The following RNF111 variants were observed in gnomAD, a reference collection of about 807,000 sequenced individuals.
RNF111 encodes ring finger protein 111.
A neutral mutation model predicts 95.1 loss-of-function variants in RNF111; 17 were observed. The ratio of observed to expected loss-of-function variants is 0.18; its 90% CI spans 0.12 to 0.27. RNF111 has a LOEUF of 0.27. Ranked by LOEUF, RNF111 falls within the 10% of genes least tolerant of loss-of-function variation. RNF111 has a pLI of 1.00. For missense variants in RNF111, 1,189 were observed against 1,210.4 expected (o/e 0.98, Z 0.26); for synonymous variants, 440 against 414.8 (o/e 1.06, Z -0.74).
At chr15:59,045,566 G>A (rs2041669444) in intron 2 of RNF111, among the ~76,000 whole-genome samples, 1 of 152,118 alleles carries the variant, frequency 6.6e-6, no homozygotes, top group East Asian at 1.9e-4. Context: ...CATAAATGAA[G>A]TTGACATATA....
chr15:59,082,456 G>A (rs1316093989), intron 8 of RNF111, among the ~76,000 whole-genome samples: 13 of 152,180 alleles, frequency 8.5e-5, no homozygotes, highest in Non-Finnish European at 1.9e-4. Context: ...GTGAATGACA[G>A]TGAAAATATT....
At chr15:59,032,612 G>A (rs2040968488) in intron 2 of RNF111, among the ~76,000 whole-genome samples, 1 of 152,094 alleles carries the variant, frequency 6.6e-6, no homozygotes, top group African/African-American at 2.4e-5. Context: ...TGTAGAGATG[G>A]GTTTTGCCAA....
chr15:59,009,547 T>G (rs1447607423), intron 1 of RNF111, among the ~76,000 whole-genome samples: 1 of 151,148 alleles, frequency 6.6e-6, no homozygotes, highest in Non-Finnish European at 1.5e-5. Context: ...TCAGAAAACT[T>G]TGATATTTGA....
chr15:59,096,638 A>G lies in RNF111; in HGVS notation c.*1738A>G, dbSNP rs1439611329. ...AGGCTTCAACATAGTATGTGTGCAG[A>G]TGGACGATGGATTTAAAGAGCATAC... On this transcript the variant is annotated 3_prime_UTR_variant, in exon 14 of 14. Transcript: ENST00000348370. 1 of 152,248 alleles carries G rather than the reference A, an allele frequency of 6.6e-6. No individual in the cohort carries two copies. The highest frequency in any genetic ancestry group is 2.4e-5 in the African/African-American group (1 of 41,426). 9.4% of individuals were successfully genotyped at this position (152,248 alleles called of 1,614,324 possible). A position where few individuals can be genotyped will look rare whatever the true frequency, so the allele number is the denominator to read the frequency against.
intron 1 of RNF111, among the ~76,000 whole-genome samples, chr15:59,028,895 T>G (rs1456146493): frequency 6.6e-6 from 1 of 152,080 alleles, no homozygotes; most frequent in Non-Finnish European, 1.5e-5. Context: ...TTCTCATGCT[T>G]CAGCCTCCCA....
intron 1 of RNF111, among the ~76,000 whole-genome samples, chr15:58,996,966 A>G (rs1426586912): frequency 1.3e-5 from 2 of 152,204 alleles, no homozygotes; most frequent in Admixed American, 6.5e-5. Flanking sequence ...TCTGTAGTCT[A>G]TACCTTTATA....
intron 6 of RNF111, among the ~76,000 whole-genome samples, chr15:59,068,790 A>G (rs2042780358): frequency 6.6e-6 from 1 of 151,978 alleles, no homozygotes; most frequent in African/African-American, 2.4e-5. Flanking sequence ...AAAATAATTA[A>G]CAAGGGCTGG....
At chr15:59,075,447 A>G (rs1162706197) in intron 6 of RNF111, among the ~76,000 whole-genome samples, 1 of 152,224 alleles carries the variant, frequency 6.6e-6, no homozygotes, top group Admixed American at 6.5e-5. Context: ...TGAATAATGT[A>G]GATTTGTTTA....
intron 2 of RNF111, among the ~76,000 whole-genome samples, chr15:59,034,835 A>C (rs1261622221): frequency 6.6e-6 from 1 of 152,204 alleles, no homozygotes; most frequent in African/African-American, 2.4e-5. Flanking sequence ...TATTTACTAC[A>C]TGTTAATATG....
At chr15:59,090,066 T>C (rs554612002) in intron 11 of RNF111, among the ~76,000 whole-genome samples, 1 of 152,298 alleles carries the variant, frequency 6.6e-6, no homozygotes, top group East Asian at 1.9e-4. Flanking sequence ...GAACGGAATG[T>C]TTTTGACTCA....
At chr15:59,045,138 G>A (rs540095422) in intron 2 of RNF111, among the ~76,000 whole-genome samples, 1 of 150,568 alleles carries the variant, frequency 6.6e-6, no homozygotes, top group East Asian at 1.9e-4. Flanking sequence ...CATGTAAAAG[G>A]TGTTCGATAA....
rs571832042 is a variant in RNF111 at position 59,053,416 on chromosome 15, C to T, written c.1007+985C>T. ...ATGAATCTTAATTTTTGTGTTGGAA[C>T]GAATTTAGAAGTGCATTTGCTTATT... On this transcript the variant is annotated intron_variant, in intron 3 of 13. Transcript: ENST00000348370. Among the ~76,000 whole-genome samples the T allele has an allele frequency of 7.5e-4, 114 of 152,192 alleles. 1 individual carries two copies. The South Asian group carries it at 9.8e-3, about 13-fold the overall frequency.
chr15:59,018,792 A>AGG (rs1214441177), intron 1 of RNF111, among the ~76,000 whole-genome samples: 1 of 152,240 alleles, frequency 6.6e-6, no homozygotes, highest in Non-Finnish European at 1.5e-5. Flanking sequence ...CTGATTTTAA[A>AGG]AGGCTGCTTA....
At position 59,089,714 on chromosome 15, in the gene RNF111, A is replaced by G. The variant is rs1184013093; in HGVS notation, c.2598A>G (p.Gly866=). 6.2e-7 allele frequency: 1 copy of G among 1,613,642 alleles called. No individual in the cohort carries two copies. The highest frequency in any genetic ancestry group is 8.5e-7 in the Non-Finnish European group (1 of 1,179,828). ...GYPHIRYISS[G]LDGTSFRGPF... is the part of the protein sequence containing the mutation. ...CTCACATCCGTTACATTTCATCAGGATTGGATGGAACATCATTCAGAGGTC... is the reference window on the plus strand; with the variant it reads ...CTCACATCCGTTACATTTCATCAGGGTTGGATGGAACATCATTCAGAGGTC... Residue 866 remains glycine, a synonymous_variant, in exon 11 of 14, where the codon GGA becomes GGG. Transcript: ENST00000348370.
At chr15:59,058,631 T>G (rs2042301963) in intron 5 of RNF111, 81 bp downstream of exon 5, 3 of 1,237,182 alleles carry the variant, frequency 2.4e-6, no homozygotes, top group Non-Finnish European at 2.4e-6. Context: ...AGTCTAAGAT[T>G]TTAGCTATGT....
intron 10 of RNF111, among the ~76,000 whole-genome samples, chr15:59,086,895 C>T (rs2078915689): frequency 6.6e-6 from 1 of 152,128 alleles, no homozygotes; most frequent in Admixed American, 6.5e-5. Flanking sequence ...AGATCACCTC[C>T]TCAGTTATGT....
intron 1 of RNF111, among the ~76,000 whole-genome samples, chr15:59,026,767 G>GA (rs34974222): frequency 3.7e-4 from 55 of 150,662 alleles, no homozygotes; most frequent in African/African-American, 6.1e-4. Context: ...ATGGATTTTA[G>GA]AAAAAAAAAT....
At position 59,094,994 on chromosome 15, in the gene RNF111, G is replaced by GGAAGCATTGAACTTAGAGTGCTGGCTCT; in HGVS notation, c.*96_*123dup. 1.3e-6 allele frequency: 1 copy of GGAAGCATTGAACTTAGAGTGCTGGCTCT among 798,688 alleles called. No homozygotes were observed. Among genetic ancestry groups the GGAAGCATTGAACTTAGAGTGCTGGCTCT allele is most frequent in the Non-Finnish European group, 2.2e-6 (1 of 448,556 alleles). 49.5% of individuals were successfully genotyped at this position (798,688 alleles called of 1,614,324 possible). A position where few individuals can be genotyped will look rare whatever the true frequency, so the allele number is the denominator to read the frequency against. ...TGGCATGACTTACCTGCGCAGATTT[G>GGAAGCATTGAACTTAGAGTGCTGGCTCT]GAAGCATTGAACTTAGAGTGCTGGC... On this transcript the variant is annotated 3_prime_UTR_variant, in exon 14 of 14. Transcript: ENST00000348370.
rs1452015822 is a variant in RNF111, at chr15:59,075,259, CAAAA to C, written c.1687-692_1687-689del. Among the ~76,000 whole-genome samples the C allele has an allele frequency of 5.9e-5, 9 of 152,200 alleles. No homozygotes were observed. The East Asian group carries it at 9.6e-4, about 16-fold the overall frequency. ...AACCTTCAATTTATTAAAAATAAAA[CAAAA>C]AACCCCGAACATCTGCAAAGCACTA... On this transcript the variant is annotated intron_variant, in intron 6 of 13. Coordinates refer to ENST00000348370, the MANE Select transcript of RNF111 (RefSeq NM_017610.8).
Sources: allele counts gnomAD v4.1 joint callset (sites outside exome capture counted in the v4.1 genomes callset), GRCh38; gene constraint gnomAD v4.1.1; transcripts MANE v1.5; gene names NCBI Gene and HGNC (gene_info 2026-07-23, HGNC 2026-07-21).